Variants in GPC5 observed in about 807,000 individuals in gnomAD.
The protein encoded by GPC5 is glypican 5, also known as glypican-5.
In GPC5, 47 loss-of-function variants were observed where a neutral mutation model predicts 53.9. The ratio of observed to expected loss-of-function variants is 0.87; its 90% CI spans 0.69 to 1.11. The LOEUF is 1.11. GPC5 is among the 50% of genes most tolerant of loss of function. The probability of loss-of-function intolerance (pLI) is 0.00; values close to 1 mark genes in which losing one functional copy is unlikely to be tolerated. For missense variants in GPC5, 748 were observed against 713.1 expected (o/e 1.05, Z -0.56); for synonymous variants, 286 against 263.3 (o/e 1.09, Z -0.84).
rs553880881 is a variant in GPC5 at position 92,022,165 on chromosome 13, A to G, written c.1401+114108A>G. On this transcript the variant is annotated intron_variant, in intron 6 of 7. Coordinates refer to ENST00000377067, the MANE Select transcript of GPC5 (RefSeq NM_004466.6). ...TAGGCACGTGCTACCACACCCAGCT[A>G]ATTTTTGTATTTTTTAGTAGAGATG... Among the ~76,000 whole-genome samples, 3 of 152,038 alleles carry G rather than the reference A, an allele frequency of 2.0e-5. No homozygotes were observed. The East Asian group carries it at 5.8e-4, about 29-fold the overall frequency.
At chr13:91,558,333 A>C (rs971650820) in intron 2 of GPC5, among the ~76,000 whole-genome samples, 2 of 151,958 alleles carry the variant, frequency 1.3e-5, no homozygotes, top group Non-Finnish European at 2.9e-5. Context: ...AGGAAGTGAC[A>C]TTTTATCCTA....
chr13:91,571,970 T>G (rs1471368664), intron 2 of GPC5, among the ~76,000 whole-genome samples: 1 of 143,970 alleles, frequency 6.9e-6, no homozygotes. Context: ...TATGTATATA[T>G]GTGTATATAT....
chr13:92,516,515 T>C (rs1227540899), intron 7 of GPC5, among the ~76,000 whole-genome samples: 1 of 152,176 alleles, frequency 6.6e-6, no homozygotes, highest in Non-Finnish European at 1.5e-5. Context: ...AGATATTCTT[T>C]GAAAATTTGA....
intron 2 of GPC5, among the ~76,000 whole-genome samples, chr13:91,477,809 T>C (rs1158748283): frequency 6.6e-6 from 1 of 152,168 alleles, no homozygotes; most frequent in East Asian, 1.9e-4. Flanking sequence ...GCATAGTCTT[T>C]CTATTTAGCA....
intron 6 of GPC5, among the ~76,000 whole-genome samples, chr13:91,997,638 C>T (rs2040515942): frequency 1.3e-5 from 2 of 152,164 alleles, no homozygotes; most frequent in African/African-American, 4.8e-5. Context: ...CCTGCCTCAG[C>T]CTCCCGAGTA....
intron 6 of GPC5, among the ~76,000 whole-genome samples, chr13:92,104,391 A>T (rs983866765): frequency 1.3e-5 from 2 of 152,044 alleles, no homozygotes; most frequent in African/African-American, 4.8e-5. Flanking sequence ...AATTTTGACA[A>T]TTTTTCCCAG....
intron 6 of GPC5, among the ~76,000 whole-genome samples, chr13:91,913,987 A>G (rs575409855): frequency 6.6e-6 from 1 of 152,314 alleles, no homozygotes; most frequent in Non-Finnish European, 1.5e-5. Context: ...TGATCTTAGT[A>G]TATCTGATTG....
At chr13:92,283,152 T>C (rs2042929011) in intron 7 of GPC5, among the ~76,000 whole-genome samples, 1 of 152,190 alleles carries the variant, frequency 6.6e-6, no homozygotes, top group Non-Finnish European at 1.5e-5. Context: ...TGAAGGCCAT[T>C]ACATAATGGT....
chr13:92,128,621 C>T (rs942603221), intron 6 of GPC5, among the ~76,000 whole-genome samples: 3 of 152,206 alleles, frequency 2.0e-5, no homozygotes, highest in Admixed American at 2.0e-4. Flanking sequence ...CTGTTTAGAA[C>T]AGCCATCTTA....
At chr13:91,825,430 T>A (rs2038562014) in intron 5 of GPC5, among the ~76,000 whole-genome samples, 1 of 152,146 alleles carries the variant, frequency 6.6e-6, no homozygotes, top group African/African-American at 2.4e-5. Context: ...AGTAATAAAA[T>A]GAGCTGTCCG....
chr13:92,314,473 A>G (rs1405098246), intron 7 of GPC5, among the ~76,000 whole-genome samples: 2 of 152,196 alleles, frequency 1.3e-5, no homozygotes, highest in African/African-American at 4.8e-5. Flanking sequence ...CTATGATTCT[A>G]AGAGTATTTA....
intron 6 of GPC5, among the ~76,000 whole-genome samples, chr13:92,024,766 A>C (rs1051508891): frequency 2.0e-5 from 3 of 152,168 alleles, no homozygotes; most frequent in Non-Finnish European, 4.4e-5. Context: ...TCTTACCTCA[A>C]AAGATTTAAT....
intron 2 of GPC5, among the ~76,000 whole-genome samples, chr13:91,510,999 AGG>A: frequency 6.6e-6 from 1 of 152,102 alleles, no homozygotes; most frequent in African/African-American, 2.4e-5. Context: ...ACACATGGAA[AGG>A]TTTTGCCACC....
chr13:92,318,324 C>A (rs557575548), intron 7 of GPC5, among the ~76,000 whole-genome samples: 1 of 152,252 alleles, frequency 6.6e-6, no homozygotes, highest in East Asian at 1.9e-4. Flanking sequence ...TGTAATACTG[C>A]TATCACGGCT....
intron 7 of GPC5, among the ~76,000 whole-genome samples, chr13:92,796,351 G>A (rs185727538): frequency 2.7e-4 from 41 of 152,114 alleles, no homozygotes; most frequent in African/African-American, 9.6e-4. Flanking sequence ...ATCACACACC[G>A]GGGCCTTTCA....
intron 2 of GPC5, among the ~76,000 whole-genome samples, chr13:91,603,984 G>T (rs75226540): frequency 0.079 from 11,812 of 148,952 alleles, 680 homozygotes; most frequent in South Asian, 0.24. Context: ...TAAGTTTTAG[G>T]GTACATGTGC....
chr13:91,704,441 C>T (rs2139870812), intron 3 of GPC5, among the ~76,000 whole-genome samples: 1 of 152,332 alleles, frequency 6.6e-6, no homozygotes, highest in South Asian at 2.1e-4. Context: ...CTGGGCTAAG[C>T]TCCCACGGCA....
chr13:92,053,972 C>T (rs1342493700), intron 6 of GPC5, among the ~76,000 whole-genome samples: 2 of 151,318 alleles, frequency 1.3e-5, no homozygotes, highest in Middle Eastern at 3.4e-3. Flanking sequence ...GCAGAGGTTG[C>T]GATGAGCTGA....
At chr13:92,141,817 A>G (rs536315172) in intron 6 of GPC5, among the ~76,000 whole-genome samples, 1 of 152,198 alleles carries the variant, frequency 6.6e-6, no homozygotes, top group South Asian at 2.1e-4. Context: ...TTGTTGAGAG[A>G]ACTCAGTTGT....
Sources: gnomAD v4.1 joint callset for allele counts (sites outside exome capture counted in the v4.1 genomes callset) on GRCh38, gnomAD v4.1.1 for gene constraint, MANE v1.5 for transcripts, NCBI Gene and HGNC (gene_info 2026-07-23, HGNC 2026-07-21) for gene names.